RUNX1T1: variants seen among roughly 807,000 people sequenced by gnomAD.
The protein encoded by RUNX1T1 is RUNX1 partner transcriptional co-repressor 1, also known as protein CBFA2T1.
Under a neutral mutation model 62.8 loss-of-function variants are expected in RUNX1T1, and 4 were observed. The ratio of observed to expected loss-of-function variants is 0.06; its 90% CI spans 0.03 to 0.15. The LOEUF is 0.15. RUNX1T1 is among the 10% of genes least tolerant of loss of function. The pLI is 1.00. For synonymous variants in RUNX1T1, 291 were observed against 286.0 expected (o/e 1.02, Z -0.18); for missense variants, 508 against 754.3 (o/e 0.67, Z 3.82).
At chr8:92,023,601 T>C (rs1824550013) in intron 1 of RUNX1T1, among the ~76,000 whole-genome samples, 2 of 152,236 alleles carry the variant, frequency 1.3e-5, no homozygotes, top group Non-Finnish European at 2.9e-5. Flanking sequence ...CAATTCTCCC[T>C]CTTTAGTTGT....
chr8:92,102,992 G>A (rs1462378851), upstream of RUNX1T1: 2 of 1,203,308 alleles, frequency 1.7e-6, no homozygotes, highest in Admixed American at 3.5e-5. The surrounding 1 kb of genome is among the most constrained non-coding windows in gnomAD (Gnocchi z 4.5). Flanking sequence ...CAGAGTGTCC[G>A]CGGCCACTCG....
intron 1 of RUNX1T1, among the ~76,000 whole-genome samples, chr8:92,084,921 A>C (rs2130850335): frequency 6.6e-6 from 1 of 152,370 alleles, no homozygotes; most frequent in Non-Finnish European, 1.5e-5. Context: ...TGCTGAATGA[A>C]GAAGCAGCCA....
upstream of RUNX1T1, among the ~76,000 whole-genome samples, chr8:92,065,158 A>G (rs370573663): frequency 6.6e-6 from 1 of 152,196 alleles, no homozygotes; most frequent in Non-Finnish European, 1.5e-5. Context: ...CTCAGACAGA[A>G]TAACTTTTCG....
intron 1 of RUNX1T1, among the ~76,000 whole-genome samples, chr8:92,037,903 C>A (rs1330929790): frequency 6.6e-6 from 1 of 152,116 alleles, no homozygotes; most frequent in Non-Finnish European, 1.5e-5. Flanking sequence ...CTCCCTTCTG[C>A]AAATGGTTAG....
At chr8:92,103,366 G>C (rs1251326325), upstream of RUNX1T1, 2 of 175,202 alleles carry the variant, frequency 1.1e-5, no homozygotes, top group East Asian at 2.0e-4. Context: ...CGCGCGCTGT[G>C]CGCCGAGAGC....
intron 9 of RUNX1T1, 69 bp from the exon 11 acceptor site, chr8:91,970,917 T>C: frequency 3.9e-6 from 5 of 1,294,884 alleles, no homozygotes; most frequent in Non-Finnish European, 5.1e-6. Flanking sequence ...TGGATACGGA[T>C]TACTTTTCTT....
At chr8:92,066,746 C>CA (rs571996600), upstream of RUNX1T1, among the ~76,000 whole-genome samples, 6 of 152,022 alleles carry the variant, frequency 3.9e-5, no homozygotes, top group East Asian at 1.9e-4. Flanking sequence ...ACTTTGTCTG[C>CA]AAAAAAACAC....
intron 1 of RUNX1T1, among the ~76,000 whole-genome samples, chr8:92,059,037 A>G (rs1563868081): frequency 2.0e-5 from 3 of 152,224 alleles, no homozygotes; most frequent in Admixed American, 6.5e-5. Flanking sequence ...ACTCTGAAAT[A>G]TTAACAGAAA....
chr8:91,955,125 T>C (rs1809162411), downstream of RUNX1T1: 1 of 214,296 alleles, frequency 4.7e-6, no homozygotes, highest in South Asian at 1.9e-4. Flanking sequence ...TGTTATCAAA[T>C]ACATCATCAA....
intron 8 of RUNX1T1, among the ~76,000 whole-genome samples, chr8:91,978,722 T>G (rs79295596): frequency 6.6e-6 from 1 of 152,198 alleles, no homozygotes; most frequent in Non-Finnish European, 1.5e-5. Flanking sequence ...CACCCATGAA[T>G]GTTTATAACA....
At chr8:91,970,406 C>T (rs991045267) in intron 10 of RUNX1T1, among the ~76,000 whole-genome samples, 6 of 152,094 alleles carry the variant, frequency 3.9e-5, no homozygotes, top group Non-Finnish European at 7.4e-5. Context: ...AATAATGCTG[C>T]GAAGTTATAA....
intron 2 of RUNX1T1, among the ~76,000 whole-genome samples, chr8:92,075,065 T>C (rs1834216204): frequency 6.6e-6 from 1 of 152,234 alleles, no homozygotes; most frequent in Non-Finnish European, 1.5e-5. Flanking sequence ...GTGGGGTGGA[T>C]GCTAGCAGTG....
chr8:92,028,808 T>C (rs1361095335), intron 1 of RUNX1T1, among the ~76,000 whole-genome samples: 1 of 152,048 alleles, frequency 6.6e-6, no homozygotes, highest in Non-Finnish European at 1.5e-5. Context: ...GCCCCAAAAC[T>C]GAACATAAGC....
chr8:91,977,727 GT>G (rs1314759364), intron 8 of RUNX1T1, among the ~76,000 whole-genome samples: 1 of 152,178 alleles, frequency 6.6e-6, no homozygotes, highest in Non-Finnish European at 1.5e-5. Context: ...TGACTTCAAA[GT>G]AGCAATTTTT....
chr8:92,093,053 T>A (rs1837279357), intron 1 of RUNX1T1, among the ~76,000 whole-genome samples: 1 of 152,168 alleles, frequency 6.6e-6, no homozygotes, highest in African/African-American at 2.4e-5. Context: ...TTTTCTCTTA[T>A]CACTTTCCTT....
rs146923449 is a variant in RUNX1T1, at chr8:92,036,497, C to A, written c.8-19134G>T. Among the ~76,000 whole-genome samples the A allele has an allele frequency of 8.2e-3, 1,249 of 152,314 alleles. 20 individuals carry two copies. Among genetic ancestry groups the A allele is most frequent in the African/African-American group, 0.028 (1,176 of 41,562 alleles). ...TGATCAACACTATCACAGAAGACCACTGTGATCGTCAATGTCAACATTCCT... is the reference window on the plus strand; with the variant it reads ...TGATCAACACTATCACAGAAGACCAATGTGATCGTCAATGTCAACATTCCT... On this transcript the variant is annotated intron_variant, in intron 1 of 10. Transcript: ENST00000396218.
chr8:92,012,908 T>C (rs981283388), intron 3 of RUNX1T1, among the ~76,000 whole-genome samples: 2 of 152,194 alleles, frequency 1.3e-5, no homozygotes, highest in African/African-American at 4.8e-5. Context: ...TATTTTCCTC[T>C]CTAGGCTTTT....
chr8:92,039,990 C>T (rs867178318), intron 1 of RUNX1T1, among the ~76,000 whole-genome samples: 3 of 152,176 alleles, frequency 2.0e-5, no homozygotes, highest in African/African-American at 7.2e-5. Context: ...CGTTCAAACC[C>T]AGCAATGTGA....
chr8:92,055,031 A>T (rs1830818831), intron 1 of RUNX1T1, among the ~76,000 whole-genome samples: 3 of 152,088 alleles, frequency 2.0e-5, no homozygotes, highest in African/African-American at 7.2e-5. Flanking sequence ...TTAAAAAAAT[A>T]AAAAAATACA....
Sources: allele counts gnomAD v4.1 joint callset (sites outside exome capture counted in the v4.1 genomes callset), GRCh38; gene constraint gnomAD v4.1.1; non-coding constraint Gnocchi (gnomAD v3.1); transcripts MANE v1.5; gene names NCBI Gene and HGNC (gene_info 2026-07-23, HGNC 2026-07-21).